MAP4: variants seen among roughly 807,000 people sequenced by gnomAD.
The protein encoded by MAP4 is microtubule associated protein 4, also known as microtubule-associated protein 4.
MAP4 carries 76 observed loss-of-function variants against 170.2 expected under a neutral mutation model. That is an observed-to-expected ratio of 0.45 (90% CI 0.37 to 0.54). The LOEUF is 0.54. MAP4 is among the 20% of genes least tolerant of loss of function. The pLI is 0.00. For missense variants in MAP4, 2,506 were observed against 2,748.0 expected, an observed-to-expected ratio of 0.91 and a Z score of 1.97; for synonymous variants, 909 against 994.5, an observed-to-expected ratio of 0.91 and a Z score of 1.62.
At chr3:47,892,391 A>T in intron 10 of MAP4, 1 of 1,536,082 alleles carries the variant, frequency 6.5e-7, no homozygotes, top group Non-Finnish European at 8.7e-7. Context: ...GGCTTGACTG[A>T]TTTCTTTTGG....
intron 3 of MAP4, among the ~76,000 whole-genome samples, chr3:47,965,531 C>A (rs566857954): frequency 7.7e-4 from 117 of 152,304 alleles, no homozygotes; most frequent in African/African-American, 2.7e-3. Flanking sequence ...CACAAGGGTT[C>A]TAATTTTTCC....
At chr3:47,926,293 C>A (rs1379066768) in intron 4 of MAP4, among the ~76,000 whole-genome samples, 1 of 152,122 alleles carries the variant, frequency 6.6e-6, no homozygotes, top group Non-Finnish European at 1.5e-5. Context: ...AAACGATCCT[C>A]CAACCTCAGC....
In MAP4 at chr3:47,917,161, T is replaced by C. The variant is rs1158224648; in HGVS notation, c.666A>G (p.Leu222=). ...PPQPTAVPLE[L]AKEIEMASEE... ...CTGATGCCATTTCTATCTCCTTGGC[T>C]AGCTCTAAGGGAACTAAATTGGAAA... The change falls in exon 7 of 21, where the codon CTA becomes CTG. Residue 222 remains leucine, a synonymous_variant. Coordinates refer to ENST00000683076, the MANE Select transcript of MAP4 (RefSeq NM_001385682.1). 1.9e-6 allele frequency: 3 copies of C among 1,613,796 alleles called. No homozygotes were observed. In the Admixed American group the frequency reaches 5.0e-5, roughly 27 times the overall value.
At chr3:47,947,955 A>C (rs1406905501) in intron 3 of MAP4, among the ~76,000 whole-genome samples, 1 of 151,972 alleles carries the variant, frequency 6.6e-6, no homozygotes, top group Non-Finnish European at 1.5e-5. Context: ...ATAAATACAC[A>C]AGTCTATGTC....
intron 17 of MAP4, among the ~76,000 whole-genome samples, chr3:47,859,252 G>A (rs2061783948): frequency 1.3e-5 from 2 of 152,220 alleles, no homozygotes; most frequent in African/African-American, 4.8e-5. Flanking sequence ...GGGAGAGCCT[G>A]ACTTTCCAAC....
At chr3:47,853,082 C>A in intron 20 of MAP4, 81 bp downstream of exon 20, 1 of 1,614,162 alleles carries the variant, frequency 6.2e-7, no homozygotes, top group Non-Finnish European at 8.5e-7. Context: ...AGGCCACACT[C>A]TAGTCAAAAA....
Position 47,855,055 on chromosome 3 carries a change from G to A in MAP4, c.6696+193C>T. ...CAGCTGACAGGTGAGGGGTGGCTGG[G>A]CTGGGGCCTCTTCACTTCTGCCTCA... On this transcript the variant is annotated intron_variant, in intron 19 of 20. Coordinates refer to ENST00000683076, the MANE Select transcript of MAP4 (RefSeq NM_001385682.1). This position sits in a 1 kb window ranked among gnomAD's most constrained non-coding sequence, Gnocchi z 5.1. 3.6e-6 allele frequency: 2 copies of A among 557,502 alleles called. No individual in the cohort carries two copies. Among genetic ancestry groups the A allele is most frequent in the Admixed American group, 3.0e-5 (1 of 33,526 alleles). The allele number at this position is 557,502 out of a possible 1,614,324, so 34.5% of individuals were successfully genotyped here.
intron 2 of MAP4, among the ~76,000 whole-genome samples, chr3:47,983,420 TCTGTCA>T (rs2100086587): frequency 6.6e-6 from 1 of 152,076 alleles, no homozygotes; most frequent in Non-Finnish European, 1.5e-5. Context: ...TGAGTCTCCC[TCTGTCA>T]CCCAGGCTGG....
chr3:47,948,076 C>A (rs2100061290), intron 3 of MAP4, among the ~76,000 whole-genome samples: 2 of 151,064 alleles, frequency 1.3e-5, no homozygotes, highest in South Asian at 4.2e-4. Context: ...TGGCTCACTG[C>A]AACCTCTGCC....
At chr3:48,074,726 G>GTGTGTGTGTGTGTGAT (rs1003251844) in intron 1 of MAP4, among the ~76,000 whole-genome samples, 1 of 147,558 alleles carries the variant, frequency 6.8e-6, no homozygotes, top group African/African-American at 2.5e-5. Context: ...GTGTGTGTGT[G>GTGTGTGTGTGTGTGAT]ATATGTCGGC....
intron 3 of MAP4, among the ~76,000 whole-genome samples, chr3:47,968,031 C>T (rs372782602): frequency 9.1e-4 from 139 of 152,236 alleles, no homozygotes; most frequent in African/African-American, 3.2e-3. Flanking sequence ...ATAGTTGTAG[C>T]GATCATTTGT....
intron 4 of MAP4, among the ~76,000 whole-genome samples, chr3:47,923,173 T>C (rs1006007420): frequency 1.3e-5 from 2 of 152,104 alleles, no homozygotes; most frequent in African/African-American, 4.8e-5. Context: ...TAAAGATTGC[T>C]GGTTCCTGAG....
At chr3:47,955,798 G>T (rs1048256985) in intron 3 of MAP4, among the ~76,000 whole-genome samples, 2 of 152,152 alleles carry the variant, frequency 1.3e-5, no homozygotes, top group Non-Finnish European at 2.9e-5. Flanking sequence ...AGCAAGAAAA[G>T]ATTCTATAGC....
chr3:47,917,740 C>CA (rs1291626136), intron 6 of MAP4, among the ~76,000 whole-genome samples: 19 of 152,208 alleles, frequency 1.2e-4, no homozygotes, highest in African/African-American at 4.3e-4. Flanking sequence ...ACATAGGCTT[C>CA]AAAAATAACA....
intron 3 of MAP4, among the ~76,000 whole-genome samples, chr3:47,972,065 A>G (rs2100079095): frequency 6.6e-6 from 1 of 152,246 alleles, no homozygotes; most frequent in African/African-American, 2.4e-5. Context: ...AAGGAAATCT[A>G]AAAACATTAA....
At chr3:47,861,305 G>A (rs1374917196) in intron 17 of MAP4, among the ~76,000 whole-genome samples, 4 of 151,778 alleles carry the variant, frequency 2.6e-5, no homozygotes, top group Admixed American at 6.6e-5. Flanking sequence ...GCAATGAGCC[G>A]AGATCGTGCC....
intron 10 of MAP4, chr3:47,891,283 G>A (rs1006455130): frequency 5.9e-6 from 9 of 1,536,216 alleles, no homozygotes; most frequent in Non-Finnish European, 7.8e-6. Flanking sequence ...TGCTGCTGCT[G>A]TTGCTGAAGT....
At chr3:47,874,030 A>C (rs1462537544) in intron 12 of MAP4, among the ~76,000 whole-genome samples, 1 of 152,216 alleles carries the variant, frequency 6.6e-6, no homozygotes, top group Non-Finnish European at 1.5e-5. Context: ...TCTTTCTACC[A>C]AAATAAGCTG....
chr3:48,038,966 G>A (rs145931652), intron 1 of MAP4, among the ~76,000 whole-genome samples: 1 of 152,172 alleles, frequency 6.6e-6, no homozygotes, highest in East Asian at 1.9e-4. Flanking sequence ...GCCAGGCATG[G>A]TGATGCACGC....
Sources: allele counts gnomAD v4.1 joint callset (sites outside exome capture counted in the v4.1 genomes callset), GRCh38; gene constraint gnomAD v4.1.1; non-coding constraint Gnocchi (gnomAD v3.1); transcripts MANE v1.5; gene names NCBI Gene and HGNC (gene_info 2026-07-23, HGNC 2026-07-21).